The following COP1 variants were observed in gnomAD, a reference collection of about 807,000 sequenced individuals.
COP1 encodes the protein COP1 E3 ubiquitin ligase.
Under a neutral mutation model 101.3 loss-of-function variants are expected in COP1, and 24 were observed. That is an observed-to-expected ratio of 0.24 (90% CI 0.17 to 0.33). The LOEUF is 0.33. Among genes scored for constraint, COP1 ranks in the 10% least tolerant of loss-of-function variants. The pLI, the probability that COP1 is intolerant of heterozygous loss-of-function variation, is 1.00. For synonymous variants in COP1, 347 were observed against 341.9 expected (o/e 1.01, Z -0.17); for missense variants, 663 against 906.2 (o/e 0.73, Z 3.45).
chr1:175,979,256 G>C lies in COP1; in HGVS notation c.2133+7687C>G, dbSNP rs544591333. On this transcript the variant is annotated intron_variant, in intron 18 of 19. Coordinates refer to ENST00000367669, the MANE Select transcript of COP1 (RefSeq NM_022457.7). ...TGTTTTGTTAATTGTTTTTGAAAGAGCCCCAGGGTTTTCTGATTATCAGTC... is the reference window on the plus strand; with the variant it reads ...TGTTTTGTTAATTGTTTTTGAAAGACCCCCAGGGTTTTCTGATTATCAGTC... 3.9e-5 allele frequency among the ~76,000 whole-genome samples: 6 copies of C among 152,168 alleles called. No homozygotes were observed. In the South Asian group the frequency reaches 1.2e-3, roughly 32 times the overall value.
At chr1:176,160,150 A>C (rs534468967) in intron 5 of COP1, 1 of 224,646 alleles carries the variant, frequency 4.5e-6, no homozygotes, top group Non-Finnish European at 9.0e-6. Flanking sequence ...GAAGCCAAAA[A>C]GGAAACAAAG....
At chr1:175,981,320 T>C (rs752503235) in intron 18 of COP1, among the ~76,000 whole-genome samples, 3 of 152,304 alleles carry the variant, frequency 2.0e-5, no homozygotes, top group Admixed American at 1.3e-4. Context: ...CACTATTTCA[T>C]TGAGAAGTTG....
chr1:176,061,195 T>A (rs1674774897), intron 11 of COP1, among the ~76,000 whole-genome samples: 1 of 151,538 alleles, frequency 6.6e-6, no homozygotes, highest in Admixed American at 6.6e-5. Context: ...GACATACAGA[T>A]CAATACAACA....
In COP1 at chr1:175,993,860, C is replaced by G. The variant is rs565430908; in HGVS notation, c.1730-4381G>C. On this transcript the variant is annotated intron_variant, in intron 15 of 19. Transcript: ENST00000367669. ...GGAGAACTTCCCCAATCTAGCAAGG[C>G]AGGCCAACTTTCAGATTCAGGAAAT... Among the ~76,000 whole-genome samples the G allele has an allele frequency of 1.6e-3, 241 of 152,270 alleles. 1 individual carries two copies. Among genetic ancestry groups the G allele is most frequent in the Non-Finnish European group, 3.0e-3 (207 of 68,020 alleles).
intron 14 of COP1, among the ~76,000 whole-genome samples, chr1:176,042,801 G>A (rs1232887904): frequency 6.6e-6 from 1 of 150,638 alleles, no homozygotes; most frequent in African/African-American, 2.4e-5. Context: ...GAGGCAGCAA[G>A]GCAGATCACT....
chr1:175,972,621 T>C (rs1158770725), intron 18 of COP1, among the ~76,000 whole-genome samples: 2 of 151,130 alleles, frequency 1.3e-5, no homozygotes, highest in East Asian at 2.0e-4. Context: ...CCCACGGCCA[T>C]GCCCGGCTAA....
At chr1:176,115,377 A>C (rs1572331328) in intron 9 of COP1, among the ~76,000 whole-genome samples, 1 of 151,716 alleles carries the variant, frequency 6.6e-6, no homozygotes, top group Non-Finnish European at 1.5e-5. Flanking sequence ...TTGAACCCAG[A>C]AGGCAGAGGT....
chr1:176,160,005 A>G lies in COP1; in HGVS notation c.762+2864T>C, dbSNP rs111671442. 5.8e-3 allele frequency among the ~76,000 whole-genome samples: 880 copies of G among 152,340 alleles called. 10 individuals are homozygous for G. Among genetic ancestry groups the G allele is most frequent in the African/African-American group, 0.021 (853 of 41,582 alleles). On this transcript the variant is annotated intron_variant, in intron 5 of 19. Coordinates refer to ENST00000367669, the MANE Select transcript of COP1 (RefSeq NM_022457.7). Reference sequence around the variant, plus strand: ...ATGCTGGAAAGATTCAGGTTAAATAATAATGAAAAGTAAAACAGAAAGCAA... The same window carrying G: ...ATGCTGGAAAGATTCAGGTTAAATAGTAATGAAAAGTAAAACAGAAAGCAA...
intron 9 of COP1, among the ~76,000 whole-genome samples, chr1:176,094,505 A>G (rs1161839837): frequency 1.3e-5 from 2 of 152,080 alleles, no homozygotes; most frequent in Admixed American, 6.5e-5. Context: ...TCTTTTACCT[A>G]GAGGTAGATA....
At chr1:175,976,608 T>A (rs1654663418) in intron 18 of COP1, among the ~76,000 whole-genome samples, 1 of 152,140 alleles carries the variant, frequency 6.6e-6, no homozygotes, top group African/African-American at 2.4e-5. Context: ...GTTGCTATTT[T>A]GGTTCAGTTT....
At position 176,043,188 on chromosome 1, in the gene COP1, T is replaced by G; in HGVS notation, c.1610A>C (p.Lys537Thr). The change falls in exon 14 of 20, where the codon AAA becomes ACA. Residue 537 changes from lysine (K) to threonine (T), a missense_variant and splice_region_variant. Physicochemically the swap from Lys to Thr is moderately conservative, Grantham distance 78. This residue lies in a region of COP1 where 209 missense variants were observed against 383.3 expected (regional missense o/e 0.55). Transcript: ENST00000367669. ...TGAGAAAGAGATTCAAACAGTACCT[T>G]TTGCATCATCAGAACCTGAAGCCAA... Reference protein sequence around the residue: ...KLLASGSDDAKVKLWSTNLDN... With the variant: ...KLLASGSDDATVKLWSTNLDN... 2 of 1,603,632 alleles carry G rather than the reference T, an allele frequency of 1.2e-6. No homozygotes were observed. Among genetic ancestry groups the G allele is most frequent in the Non-Finnish European group, 8.5e-7 (1 of 1,170,634 alleles).
intron 18 of COP1, among the ~76,000 whole-genome samples, chr1:175,954,458 A>G (rs1213598735): frequency 6.6e-6 from 1 of 152,152 alleles, no homozygotes; most frequent in Admixed American, 6.5e-5. Context: ...GTAAAAAAGT[A>G]TTGAAATGAA....
At chr1:176,049,977 T>C (rs565965545) in intron 11 of COP1, among the ~76,000 whole-genome samples, 32 of 152,334 alleles carry the variant, frequency 2.1e-4, no homozygotes, top group African/African-American at 6.7e-4. Context: ...ACTTTAAGTC[T>C]TACTACTGCT....
chr1:176,057,365 C>T (rs1462451275), intron 11 of COP1, among the ~76,000 whole-genome samples: 5 of 152,154 alleles, frequency 3.3e-5, no homozygotes, highest in Non-Finnish European at 5.9e-5. Flanking sequence ...TCTCTTTCCA[C>T]GATCTCCCTC....
At chr1:176,140,367 C>T (rs760471272) in intron 6 of COP1, among the ~76,000 whole-genome samples, 8 of 152,078 alleles carry the variant, frequency 5.3e-5, no homozygotes, top group Non-Finnish European at 1.2e-4. Context: ...AATGATATAA[C>T]CTATCCGTAA....
intron 14 of COP1, among the ~76,000 whole-genome samples, chr1:176,040,641 T>C (rs1670367686): frequency 6.6e-6 from 1 of 152,182 alleles, no homozygotes; most frequent in East Asian, 1.9e-4. Context: ...AAAAAGGTAT[T>C]CCATTCTGTA....
chr1:176,143,805 C>T (rs1691128906), intron 6 of COP1, among the ~76,000 whole-genome samples: 1 of 152,038 alleles, frequency 6.6e-6, no homozygotes, highest in Non-Finnish European at 1.5e-5. Flanking sequence ...GATTGACTCC[C>T]CAATGCTAAA....
chr1:175,945,468 G>C (rs941929781), intron 19 of COP1, among the ~76,000 whole-genome samples: 2 of 152,162 alleles, frequency 1.3e-5, no homozygotes, highest in African/African-American at 4.8e-5. Context: ...TACATTTTTG[G>C]AATATATGTT....
At chr1:175,973,387 G>A (rs535563795) in intron 18 of COP1, among the ~76,000 whole-genome samples, 232 of 152,162 alleles carry the variant, frequency 1.5e-3, no homozygotes, top group African/African-American at 5.3e-3. Flanking sequence ...TTCCATTCTC[G>A]TATTTTTAAA....
Sources: gnomAD v4.1 joint callset for allele counts (sites outside exome capture counted in the v4.1 genomes callset) on GRCh38, gnomAD v4.1.1 for gene constraint, gnomAD v4.1.1 regional missense constraint, MANE v1.5 for transcripts, NCBI Gene and HGNC (gene_info 2026-07-23, HGNC 2026-07-21) for gene names.